The following PPM1H variants were observed in gnomAD, a reference collection of about 807,000 sequenced individuals.
PPM1H encodes protein phosphatase 1H.
PPM1H carries 27 observed loss-of-function variants against 54.9 expected under a neutral mutation model. The observed-to-expected ratio is 0.49, with a 90% CI of 0.36 to 0.68. The LOEUF is 0.68. PPM1H is among the 30% of genes least tolerant of loss of function. The pLI is 0.00. For missense variants in PPM1H, 596 were observed against 667.8 expected (o/e 0.89, Z 1.19); for synonymous variants, 305 against 270.8 (o/e 1.13, Z -1.24).
chr12:62,650,597 T>C (rs937501003), intron 9 of PPM1H, among the ~76,000 whole-genome samples: 16 of 152,166 alleles, frequency 1.1e-4, no homozygotes, highest in African/African-American at 3.9e-4. Context: ...TGAGACTGGG[T>C]AATTTATAAG....
At chr12:62,761,357 G>C (rs1440735313) in intron 4 of PPM1H, among the ~76,000 whole-genome samples, 1 of 152,202 alleles carries the variant, frequency 6.6e-6, no homozygotes, top group Non-Finnish European at 1.5e-5. Context: ...TCCCTGGGGG[G>C]CAAATGGGAT....
intron 1 of PPM1H, among the ~76,000 whole-genome samples, chr12:62,912,715 GAATCCACCAC>G (rs1449359254): frequency 2.0e-5 from 3 of 152,108 alleles, no homozygotes; most frequent in African/African-American, 4.8e-5. Context: ...ACCAAAAAAA[GAATCCACCAC>G]AATGTAATTG....
At chr12:62,670,325 A>AT (rs1485087223) in intron 8 of PPM1H, among the ~76,000 whole-genome samples, 1 of 152,128 alleles carries the variant, frequency 6.6e-6, no homozygotes, top group Non-Finnish European at 1.5e-5. Context: ...TTTTGGGATA[A>AT]TTTGAACTCT....
At chr12:62,697,398 T>C (rs1174369271) in intron 6 of PPM1H, among the ~76,000 whole-genome samples, 1 of 152,120 alleles carries the variant, frequency 6.6e-6, no homozygotes, top group African/African-American at 2.4e-5. Flanking sequence ...GATTGATCCA[T>C]GTTCTTAGAC....
chr12:62,658,999 T>C, intron 9 of PPM1H: 1 of 722,506 alleles, frequency 1.4e-6, no homozygotes, highest in South Asian at 1.3e-5. Context: ...ACATTGGTTA[T>C]GGGAGCAACA....
In PPM1H at chr12:62,769,222, C is replaced by G. The variant is rs181032794; in HGVS notation, c.869+19004G>C. Among the ~76,000 whole-genome samples the G allele has an allele frequency of 5.7e-3, 867 of 152,310 alleles. 4 individuals carry two copies. The highest frequency in any genetic ancestry group is 0.01 in the Middle Eastern group (3 of 294). ...GCTAGTCTAGCTCTTCCTGCTGTGG[C>G]ACCACTAGCCCTAAGAAGCTCTGAT... On this transcript the variant is annotated intron_variant, in intron 4 of 9. Coordinates refer to ENST00000228705, the MANE Select transcript of PPM1H (RefSeq NM_020700.2).
chr12:62,772,658 G>C (rs755726929), intron 4 of PPM1H, among the ~76,000 whole-genome samples: 1 of 152,106 alleles, frequency 6.6e-6, no homozygotes, highest in Non-Finnish European at 1.5e-5. Context: ...CTCTAGATCT[G>C]TGATGTGCTA....
At chr12:62,929,550 A>G (rs1034799819) in intron 1 of PPM1H, among the ~76,000 whole-genome samples, 2 of 152,214 alleles carry the variant, frequency 1.3e-5, no homozygotes, top group Non-Finnish European at 2.9e-5. Context: ...AAAGCACTGT[A>G]TAGTGGGGTC....
At chr12:62,698,315 G>A (rs1383930376) in intron 6 of PPM1H, among the ~76,000 whole-genome samples, 1 of 152,168 alleles carries the variant, frequency 6.6e-6, no homozygotes, top group East Asian at 1.9e-4. Flanking sequence ...TTGGAGAACA[G>A]CTCTGGGAAA....
chr12:62,912,946 G>A (rs1345451184), intron 1 of PPM1H, among the ~76,000 whole-genome samples: 1 of 152,138 alleles, frequency 6.6e-6, no homozygotes, highest in Non-Finnish European at 1.5e-5. Context: ...TATCCACCAT[G>A]TCCTTTACGG....
chr12:62,834,836 C>T (rs917360734), intron 1 of PPM1H, among the ~76,000 whole-genome samples: 138 of 152,288 alleles, frequency 9.1e-4, no homozygotes, highest in Non-Finnish European at 1.2e-4. Flanking sequence ...TGCCTCCTCT[C>T]GGTCACTGGT....
chr12:62,667,075 A>G, intron 9 of PPM1H, 103 bp downstream of exon 9: 3 of 1,312,698 alleles, frequency 2.3e-6, no homozygotes, highest in Non-Finnish European at 3.1e-6. Flanking sequence ...CGTCCATATC[A>G]GCCTCTAAGT....
At chr12:62,734,457 G>A (rs537292083) in intron 5 of PPM1H, among the ~76,000 whole-genome samples, 7 of 152,156 alleles carry the variant, frequency 4.6e-5, no homozygotes, top group Non-Finnish European at 7.3e-5. Context: ...TCCCATTACT[G>A]TTGAAGAAAT....
At position 62,934,923 on chromosome 12, in the gene PPM1H, GC is replaced by G. The variant is rs1217931678; in HGVS notation, c.-188del. The G allele has an allele frequency of 2.6e-6, 1 of 382,496 alleles. No individual in the cohort carries two copies. Among genetic ancestry groups the G allele is most frequent in the Admixed American group, 5.0e-5 (1 of 19,846 alleles). The allele number at this position is 382,496 out of a possible 1,614,324, so 23.7% of individuals were successfully genotyped here. A position where few individuals can be genotyped will look rare whatever the true frequency, so the allele number is the denominator to read the frequency against. Reference sequence around the variant, plus strand: ...CGAGCCCCGGCCTCTCGTGCTTAGTGCCGCGGTGGCCGCCGCCTCCCCCCGC... The same window carrying G: ...CGAGCCCCGGCCTCTCGTGCTTAGTGCGCGGTGGCCGCCGCCTCCCCCCGC... On this transcript the variant is annotated 5_prime_UTR_variant, in exon 1 of 10. The change abolishes the stop of an existing upstream ORF in the 5' untranslated region. Transcript: ENST00000228705. This position sits in a 1 kb window ranked among gnomAD's most constrained non-coding sequence, Gnocchi z 4.2.
chr12:62,649,325 C>CT (rs1174768644), intron 9 of PPM1H, among the ~76,000 whole-genome samples: 1 of 151,522 alleles, frequency 6.6e-6, no homozygotes, highest in Non-Finnish European at 1.5e-5. Flanking sequence ...CAAGGGATCC[C>CT]TTAAGAATTT....
intron 3 of PPM1H, among the ~76,000 whole-genome samples, chr12:62,789,112 CT>C (rs2076690031): frequency 6.6e-6 from 1 of 152,148 alleles, no homozygotes; most frequent in Admixed American, 6.5e-5. Flanking sequence ...ACCTCCTGGG[CT>C]CAAGCCTCCT....
chr12:62,778,744 C>G (rs2076624899), intron 4 of PPM1H, among the ~76,000 whole-genome samples: 1 of 151,986 alleles, frequency 6.6e-6, no homozygotes, highest in Non-Finnish European at 1.5e-5. Context: ...GAGCACAGGT[C>G]CAGTATAGTG....
Position 62,898,406 on chromosome 12 carries a change from C to T in PPM1H, c.245+36086G>A, listed in dbSNP as rs555302308. Among the ~76,000 whole-genome samples, 8 of 152,134 alleles carry T rather than the reference C, an allele frequency of 5.3e-5. No individual in the cohort carries two copies. The East Asian group carries it at 9.7e-4, about 18-fold the overall frequency. On this transcript the variant is annotated intron_variant, in intron 1 of 9. Transcript: ENST00000228705. ...GTGGCCAAAAATATTCAGTGTGGGG[C>T]GACAAAGGAAAAAACGCACTGAAAA...
At chr12:62,835,621 G>A (rs1868480182) in intron 1 of PPM1H, among the ~76,000 whole-genome samples, 1 of 152,058 alleles carries the variant, frequency 6.6e-6, no homozygotes. Flanking sequence ...TGGGAAGATG[G>A]TGGTCCCACC....
Sources: gnomAD v4.1 joint callset for allele counts (sites outside exome capture counted in the v4.1 genomes callset) on GRCh38, gnomAD v4.1.1 for gene constraint, Gnocchi (gnomAD v3.1) non-coding constraint, MANE v1.5 for transcripts, NCBI Gene and HGNC (gene_info 2026-07-23, HGNC 2026-07-21) for gene names.